The following PRDM1 variants were observed in gnomAD, a reference collection of about 807,000 sequenced individuals.
PRDM1 encodes PR/SET domain 1, also known as PR domain zinc finger protein 1.
Under a neutral mutation model 62.8 loss-of-function variants are expected in PRDM1, and 13 were observed. The observed-to-expected ratio is 0.21, with a 90% CI of 0.13 to 0.33. The LOEUF (loss-of-function observed/expected upper bound fraction) is 0.33. PRDM1 is among the 10% of genes least tolerant of loss of function. The pLI is 1.00. For missense variants in PRDM1, 895 were observed against 1,058.8 expected (o/e 0.85, Z 2.15); for synonymous variants, 396 against 417.6 (o/e 0.95, Z 0.63).
rs11299498 is a variant in PRDM1 at position 105,994,371 on chromosome 6, TAA to T, written c.-67+743_-67+744del. ...ACTGCATTCGCCTAAATTGCGTAAT[TAA>T]AAAAAAAAAATACACCACTGCCACC... On this transcript the variant is annotated intron_variant, in intron 1 of 6. Transcript: ENST00000652320. This position sits in a 1 kb window ranked among gnomAD's most constrained non-coding sequence, Gnocchi z 4.1. Among the ~76,000 whole-genome samples, 110 of 149,688 alleles carry T rather than the reference TAA, an allele frequency of 7.3e-4. No individual in the cohort carries two copies. The highest frequency in any genetic ancestry group is 3.2e-3 in the South Asian group (15 of 4,738).
intron 1 of PRDM1, among the ~76,000 whole-genome samples, chr6:106,019,953 G>T (rs1237151165): frequency 6.6e-6 from 1 of 150,902 alleles, no homozygotes; most frequent in African/African-American, 2.4e-5. Context: ...GGAAGAGCCG[G>T]GTGTGGTGGC....
At chr6:106,017,878 A>C (rs1772643104) in intron 1 of PRDM1, among the ~76,000 whole-genome samples, 1 of 151,444 alleles carries the variant, frequency 6.6e-6, no homozygotes, top group African/African-American at 2.4e-5. Flanking sequence ...GGTCAGGGGG[A>C]GTGTGGGTGG....
upstream of PRDM1, chr6:106,046,335 A>G (rs1158887445): frequency 2.0e-5 from 3 of 152,110 alleles, no homozygotes; most frequent in Non-Finnish European, 4.4e-5. Flanking sequence ...AAGGTGATCA[A>G]AGCAACTTGT....
intron 1 of PRDM1, among the ~76,000 whole-genome samples, chr6:106,054,607 A>C (rs1773234555): frequency 2.0e-5 from 3 of 152,216 alleles, no homozygotes; most frequent in South Asian, 4.1e-4. Context: ...AAAGACTTGG[A>C]TATTTCAGCC....
chr6:106,098,126 A>T, intron 3 of PRDM1: 1 of 856,970 alleles, frequency 1.2e-6, no homozygotes, highest in Non-Finnish European at 1.4e-6. Context: ...AAGGAAAAGC[A>T]ATAACCTGCT....
chr6:106,048,880 G>A (rs529786376), intron 1 of PRDM1, among the ~76,000 whole-genome samples: 46 of 151,704 alleles, frequency 3.0e-4, no homozygotes, highest in Non-Finnish European at 4.6e-4. Context: ...CCAGGCTGGC[G>A]TACAGTGGCG....
At chr6:106,050,410 T>C (rs3924030) in intron 1 of PRDM1, among the ~76,000 whole-genome samples, 136,958 of 152,282 alleles carry the variant, frequency 0.9, 61,671 homozygotes, top group South Asian at 0.94. Flanking sequence ...TTTACTAAAA[T>C]TAAAATGAAA....
At chr6:105,993,429 A>G (rs1454890835), upstream of PRDM1, among the ~76,000 whole-genome samples, 2 of 152,228 alleles carry the variant, frequency 1.3e-5, no homozygotes, top group Admixed American at 6.5e-5. Flanking sequence ...TGTTTGTGTA[A>G]TCAGAGACTG....
At chr6:106,083,887 G>A (rs146559518), upstream of PRDM1, among the ~76,000 whole-genome samples, 143 of 152,310 alleles carry the variant, frequency 9.4e-4, no homozygotes, top group African/African-American at 3.3e-3. Context: ...TGCTGCCAGG[G>A]TCTCCCAGCT....
chr6:106,012,120 C>A lies in PRDM1; in HGVS notation c.-67+18481C>A, dbSNP rs540703636. Among the ~76,000 whole-genome samples, 19 of 138,304 alleles carry A rather than the reference C, an allele frequency of 1.4e-4. No individual in the cohort carries two copies. In the East Asian group the frequency reaches 4.0e-3, roughly 29 times the overall value. 90.7% of individuals were successfully genotyped at this position (138,304 alleles called of 152,430 possible). On this transcript the variant is annotated intron_variant, in intron 1 of 6. Transcript: ENST00000652320. Reference sequence around the variant, plus strand: ...CACCACACCCCTCCACATTCATACACACACACACAAACATAACACACACAC... The same window carrying A: ...CACCACACCCCTCCACATTCATACAAACACACACAAACATAACACACACAC...
At chr6:106,053,821 AC>A (rs1322955359) in intron 1 of PRDM1, among the ~76,000 whole-genome samples, 1 of 86,192 alleles carries the variant, frequency 1.2e-5, no homozygotes, top group Non-Finnish European at 2.4e-5. Context: ...TGTGCCCACC[AC>A]CCCCCAGCCC....
intron 1 of PRDM1, among the ~76,000 whole-genome samples, chr6:106,051,751 A>T (rs962849298): frequency 6.6e-6 from 1 of 152,208 alleles, no homozygotes; most frequent in Non-Finnish European, 1.5e-5. Context: ...AATTTTCTTT[A>T]TAGAAGGCAA....
chr6:105,997,691 A>G (rs1772364687), intron 1 of PRDM1, among the ~76,000 whole-genome samples: 1 of 152,214 alleles, frequency 6.6e-6, no homozygotes. Context: ...CGTATTCTCC[A>G]TATTTGTAAA....
chr6:106,085,521 AG>A (rs2114612890), upstream of PRDM1, among the ~76,000 whole-genome samples: 1 of 152,326 alleles, frequency 6.6e-6, no homozygotes, highest in African/African-American at 2.4e-5. Context: ...CCATCATCAC[AG>A]GATGTCCTTC....
rs766723746 is a variant in PRDM1, at chr6:106,106,242, TTTC to T, written c.1774-123_1774-121del. 5.0e-6 allele frequency: 7 copies of T among 1,386,890 alleles called. No homozygotes were observed. Among genetic ancestry groups the T allele is most frequent in the Middle Eastern group, 2.7e-4 (1 of 3,770 alleles). The allele number at this position is 1,386,890 out of a possible 1,614,324, so 85.9% of individuals were successfully genotyped here. ...AAACACCATTCTGAAAACATGAAGATTTCTTCTTTTTAAGACTGTCTTGATGCT... is the reference window on the plus strand; with the variant it reads ...AAACACCATTCTGAAAACATGAAGATTTCTTTTTAAGACTGTCTTGATGCT... On this transcript the variant is annotated intron_variant, in intron 5 of 6. Coordinates refer to ENST00000369096, the MANE Select transcript of PRDM1 (RefSeq NM_001198.4). The surrounding 1 kb of genome is among the most constrained non-coding windows in gnomAD (Gnocchi z 4.4).
upstream of PRDM1, among the ~76,000 whole-genome samples, chr6:106,084,150 G>A (rs2114611610): frequency 6.6e-6 from 1 of 152,000 alleles, no homozygotes; most frequent in East Asian, 1.9e-4. Context: ...TTGGTTTGGA[G>A]GTTTTTTTTT....
Position 106,088,251 on chromosome 6 carries a change from G to T in PRDM1, c.93G>T (p.Glu31Asp), listed in dbSNP as rs747322845. 3.7e-6 allele frequency: 6 copies of T among 1,613,954 alleles called. No homozygotes were observed. The part of the protein sequence containing the change: ...SSTVRFQGLA[E>D]GTKGTMKMDM... ...CTGTGAGGTTTCAGGGATTGGCAGA[G>T]GGGACCAAGGGGACCATGAAAATGG... Residue 31 changes from glutamate to aspartate, a missense_variant, in exon 2 of 7, where the codon GAG (glutamate) becomes GAT (aspartate). Glu to Asp is a conservative substitution (Grantham distance 45, BLOSUM62 2). Transcript: ENST00000369096.
At chr6:106,043,796 A>C (rs1165940687), upstream of PRDM1, among the ~76,000 whole-genome samples, 1 of 152,162 alleles carries the variant, frequency 6.6e-6, no homozygotes, top group African/African-American at 2.4e-5. Context: ...AGACTCCCAA[A>C]GTACTGGGAT....
chr6:106,039,414 C>A (rs1437905521), intron 1 of PRDM1, among the ~76,000 whole-genome samples: 1 of 152,100 alleles, frequency 6.6e-6, no homozygotes, highest in Non-Finnish European at 1.5e-5. Flanking sequence ...TGACTCAATC[C>A]CTGTTATGTT....
Sources: gnomAD v4.1 joint callset for allele counts (sites outside exome capture counted in the v4.1 genomes callset) on GRCh38, gnomAD v4.1.1 for gene constraint, Gnocchi (gnomAD v3.1) non-coding constraint, MANE v1.5 for transcripts, NCBI Gene and HGNC (gene_info 2026-07-23, HGNC 2026-07-21) for gene names.